RPS6KA2: variants seen among roughly 807,000 people sequenced by gnomAD.
RPS6KA2 encodes the protein ribosomal protein S6 kinase alpha-2.
A neutral mutation model predicts 91.8 loss-of-function variants in RPS6KA2; 42 were observed. The ratio of observed to expected loss-of-function variants is 0.46; its 90% confidence interval spans 0.36 to 0.59. The LOEUF (loss-of-function observed/expected upper bound fraction) is 0.59. RPS6KA2 is among the 20% of genes least tolerant of loss of function. The probability of loss-of-function intolerance (pLI) is 0.00; values close to 1 mark genes in which losing one functional copy is unlikely to be tolerated. For missense variants in RPS6KA2, 798 were observed against 978.5 expected, an observed-to-expected ratio of 0.82 and a Z score of 2.46; for synonymous variants, 414 against 393.6, an observed-to-expected ratio of 1.05 and a Z score of -0.61.
rs890457014 is a variant in RPS6KA2, at chr6:166,561,739, T to A, written c.100-22955A>T. ...CACCAGGAGTGTCCAATCTTTTGGC[T>A]TTCCTGGGCCACACTGGAAGAAGAA... On this transcript the variant is annotated intron_variant, in intron 1 of 20. Coordinates refer to ENST00000265678, the MANE Select transcript of RPS6KA2 (RefSeq NM_021135.6). 7.9e-5 allele frequency among the ~76,000 whole-genome samples: 12 copies of A among 152,028 alleles called. 1 individual carries two copies. The highest frequency in any genetic ancestry group is 1.2e-4 in the African/African-American group (5 of 41,386).
intron 1 of RPS6KA2, among the ~76,000 whole-genome samples, chr6:166,552,204 AC>A (rs1205150866): frequency 6.6e-5 from 10 of 151,678 alleles, no homozygotes; most frequent in Non-Finnish European, 1.3e-4. Context: ...CAGGTCTTTG[AC>A]CCCCCACAGG....
intron 1 of RPS6KA2, among the ~76,000 whole-genome samples, chr6:166,565,660 G>A (rs3778400): frequency 0.078 from 11,871 of 152,318 alleles, 771 homozygotes; most frequent in South Asian, 0.25. Flanking sequence ...ACTCGGTCTT[G>A]GACACCGGGG....
At chr6:166,416,010 CCCA>C (rs1438060049) in intron 19 of RPS6KA2, among the ~76,000 whole-genome samples, 1 of 32,644 alleles carries the variant, frequency 3.1e-5, no homozygotes, top group Non-Finnish European at 7.6e-5. Context: ...CTCCATCACC[CCCA>C]CCATTACGCT....
At chr6:166,629,206 G>T (rs1304511363), upstream of RPS6KA2, among the ~76,000 whole-genome samples, 1 of 152,220 alleles carries the variant, frequency 6.6e-6, no homozygotes, top group Non-Finnish European at 1.5e-5. Flanking sequence ...CTCGGAAGGG[G>T]AGCCAGTAAT....
Position 166,603,460 on chromosome 6 carries a change from G to A in RPS6KA2, c.99+23461C>T, listed in dbSNP as rs1248670334. 6.6e-6 allele frequency among the ~76,000 whole-genome samples: 1 copy of A among 152,182 alleles called. No homozygotes were observed. The highest frequency in any genetic ancestry group is 6.5e-5 in the Admixed American group (1 of 15,286). ...AGCCACACGGGAGATGGTGTGGGATGTGGGATCTGAAAGGCTTCATTTGGC... is the reference window on the plus strand; with the variant it reads ...AGCCACACGGGAGATGGTGTGGGATATGGGATCTGAAAGGCTTCATTTGGC... On this transcript the variant is annotated intron_variant, in intron 1 of 20. Coordinates refer to ENST00000265678, the MANE Select transcript of RPS6KA2 (RefSeq NM_021135.6). The surrounding 1 kb of genome is among the most constrained non-coding windows in gnomAD (Gnocchi z 4.3).
rs1273573112 is a variant in RPS6KA2, at chr6:166,489,914, A to G, written c.818+757T>C. 3.3e-5 allele frequency among the ~76,000 whole-genome samples: 5 copies of G among 152,004 alleles called. 1 individual carries two copies. On this transcript the variant is annotated intron_variant, in intron 9 of 20. Transcript: ENST00000265678. Reference sequence around the variant, plus strand: ...GCAGCTCATGAGGACAAACAGCTTTATGACTCCTCCACCGAGTGGCCTCAC... The same window carrying G: ...GCAGCTCATGAGGACAAACAGCTTTGTGACTCCTCCACCGAGTGGCCTCAC...
At chr6:166,498,156 C>G (rs1274110639) in intron 8 of RPS6KA2, among the ~76,000 whole-genome samples, 1 of 152,240 alleles carries the variant, frequency 6.6e-6, no homozygotes, top group Non-Finnish European at 1.5e-5. Context: ...CAGTTTGTAA[C>G]TAAGCGCAAG....
chr6:166,582,754 ACTT>A, intron 1 of RPS6KA2, among the ~76,000 whole-genome samples: 1 of 152,338 alleles, frequency 6.6e-6, no homozygotes, highest in South Asian at 2.1e-4. Context: ...CTTTGAAAGA[ACTT>A]CTTTTAGGGG....
intron 3 of RPS6KA2, among the ~76,000 whole-genome samples, chr6:166,526,341 C>CTTTTTTT (rs10616497): frequency 2.2e-4 from 22 of 101,856 alleles, no homozygotes; most frequent in East Asian, 3.3e-4. Flanking sequence ...GTTTATATGG[C>CTTTTTTT]TTTTTTTTTT....
chr6:166,422,193 C>T (rs1293246577), intron 17 of RPS6KA2, among the ~76,000 whole-genome samples: 1 of 152,220 alleles, frequency 6.6e-6, no homozygotes, highest in Non-Finnish European at 1.5e-5. Flanking sequence ...AGCCACCGCA[C>T]CCAGCCAAAC....
Position 166,433,558 on chromosome 6 carries a change from C to T in RPS6KA2, c.1333-1068G>A, listed in dbSNP as rs1779205725. On this transcript the variant is annotated intron_variant, in intron 14 of 20. Transcript: ENST00000265678. The surrounding 1 kb of genome is among the most constrained non-coding windows in gnomAD (Gnocchi z 4.4). The stretch of plus-strand genomic sequence containing the variant: ...CATGCAACATGTATTTTGCAAACAA[C>T]ACTCAGAGCAGAAGAAAAGCGATTG... Among the ~76,000 whole-genome samples, 1 of 152,218 alleles carries T rather than the reference C, an allele frequency of 6.6e-6. No individual in the cohort carries two copies. The highest frequency in any genetic ancestry group is 6.5e-5 in the Admixed American group (1 of 15,282).
rs1326275650 is a variant in RPS6KA2, at chr6:166,839,681, A to AGG, written c.123+18517_123+18518dup. On this transcript the variant is annotated intron_variant, in intron 2 of 21. Transcript: ENST00000503859. ...ATAAGAGGGAGGTGGAAATCAGAGC[A>AGG]GGAGAGGAGAGGGGAGGAGAGGAGA... Among the ~76,000 whole-genome samples the AGG allele has an allele frequency of 9.7e-3, 457 of 47,260 alleles. 121 individuals carry two copies. Among genetic ancestry groups the AGG allele is most frequent in the Non-Finnish European group, 0.012 (302 of 24,894 alleles). 31.0% of individuals were successfully genotyped at this position (47,260 alleles called of 152,430 possible).
chr6:166,757,498 A>G (rs2128601713), intron 2 of RPS6KA2: 1 of 455,520 alleles, frequency 2.2e-6, no homozygotes, highest in African/African-American at 2.0e-5. Flanking sequence ...GCTCCCTGGG[A>G]CCCCCATTTC....
chr6:166,605,690 C>T (rs908201098), intron 1 of RPS6KA2, among the ~76,000 whole-genome samples: 11 of 152,226 alleles, frequency 7.2e-5, no homozygotes, highest in Non-Finnish European at 1.3e-4. Flanking sequence ...GAAATGCACT[C>T]ACGCACACAC....
chr6:166,641,094 A>G (rs1439662595), intron 2 of RPS6KA2, among the ~76,000 whole-genome samples: 1 of 152,182 alleles, frequency 6.6e-6, no homozygotes, highest in Non-Finnish European at 1.5e-5. Flanking sequence ...AGGCAAATGT[A>G]AGTACAATCA....
At chr6:166,838,216 A>G (rs1226369554) in intron 2 of RPS6KA2, among the ~76,000 whole-genome samples, 2 of 151,236 alleles carry the variant, frequency 1.3e-5, no homozygotes, top group Non-Finnish European at 2.9e-5. Flanking sequence ...CAGAGGTACA[A>G]TTGAGCTATA....
chr6:166,570,413 C>G (rs1011573088), intron 1 of RPS6KA2, among the ~76,000 whole-genome samples: 1 of 152,214 alleles, frequency 6.6e-6, no homozygotes, highest in Non-Finnish European at 1.5e-5. Context: ...GTTAGGGTCA[C>G]CAATGACAAC....
intron 2 of RPS6KA2, among the ~76,000 whole-genome samples, chr6:166,764,861 CGT>C (rs1185196952): frequency 6.6e-6 from 1 of 152,232 alleles, no homozygotes; most frequent in African/African-American, 2.4e-5. Flanking sequence ...CACTACACAA[CGT>C]GTGTGTGTTC....
At position 166,445,537 on chromosome 6, in the gene RPS6KA2, C is replaced by A. The variant is rs907292461; in HGVS notation, c.1332+3187G>T. ...GGAGCCCCTGTCCCAGCTGGAAAAA[C>A]CAGAAAGTCTCCAGACATTGCCAGT... is the stretch of plus-strand genomic sequence containing the variant. On this transcript the variant is annotated intron_variant, in intron 14 of 20. Coordinates refer to ENST00000265678, the MANE Select transcript of RPS6KA2 (RefSeq NM_021135.6). The surrounding 1 kb of genome is among the most constrained non-coding windows in gnomAD (Gnocchi z 4.5). 6.6e-6 allele frequency among the ~76,000 whole-genome samples: 1 copy of A among 152,226 alleles called. No individual in the cohort carries two copies. Among genetic ancestry groups the A allele is most frequent in the Non-Finnish European group, 1.5e-5 (1 of 68,046 alleles).
Sources: allele counts gnomAD v4.1 joint callset (sites outside exome capture counted in the v4.1 genomes callset), GRCh38; gene constraint gnomAD v4.1.1; non-coding constraint Gnocchi (gnomAD v3.1); transcripts MANE v1.5; gene names NCBI Gene and HGNC (gene_info 2026-07-23, HGNC 2026-07-21).